ZIM2: variants seen among roughly 807,000 people sequenced by gnomAD.
ZIM2 encodes the protein zinc finger imprinted 2, also known as zinc finger protein 656.
Under a neutral mutation model 38.6 loss-of-function variants are expected in ZIM2, and 14 were observed. The observed-to-expected ratio is 0.36, with a 90% CI of 0.24 to 0.57. ZIM2 has a LOEUF of 0.57. Among genes scored for constraint, ZIM2 ranks in the 20% least tolerant of loss-of-function variants. The pLI is 0.81. For synonymous variants in ZIM2, 247 were observed against 245.8 expected (o/e 1.00, Z -0.04); for missense variants, 680 against 695.1 (o/e 0.98, Z 0.24).
At position 56,825,034 on chromosome 19, in the gene ZIM2, A is replaced by C. The variant is rs78105516; in HGVS notation, c.-150-607T>G. 1.0e-3 allele frequency: 190 copies of C among 185,646 alleles called. 1 individual carries two copies. In the East Asian group the frequency reaches 0.023, roughly 22 times the overall value. The allele number at this position is 185,646 out of a possible 1,614,324, so 11.5% of individuals were successfully genotyped here. A position where few individuals can be genotyped will look rare whatever the true frequency, so the allele number is the denominator to read the frequency against. On this transcript the variant is annotated intron_variant, in intron 3 of 12. Coordinates refer to ENST00000629319, the MANE Select transcript of ZIM2 (RefSeq NM_001387356.1). Reference sequence around the variant, plus strand: ...CTCTGTAATCTGAGAAATAAGAATAACAGCACCTCCATCCCTTTCAGAATT... The same window carrying C: ...CTCTGTAATCTGAGAAATAAGAATACCAGCACCTCCATCCCTTTCAGAATT...
chr19:56,804,085 T>C (rs558634466), intron 9 of ZIM2, among the ~76,000 whole-genome samples: 2 of 152,176 alleles, frequency 1.3e-5, no homozygotes, highest in Admixed American at 6.5e-5. Context: ...CCACCTACTA[T>C]GTTAATAACC....
chr19:56,815,233 C>T (rs773283378), intron 9 of ZIM2: 1 of 1,614,112 alleles, frequency 6.2e-7, no homozygotes, highest in Admixed American at 1.7e-5. Flanking sequence ...GGTCTCCTCC[C>T]CATCAGTATT....
At chr19:56,778,575 CA>C (rs550395597) in intron 12 of ZIM2, among the ~76,000 whole-genome samples, 1 of 151,882 alleles carries the variant, frequency 6.6e-6, no homozygotes, top group South Asian at 2.1e-4. Context: ...TGTACAGGAA[CA>C]AAAAAATGCA....
chr19:56,782,219 C>T (rs946590769), intron 10 of ZIM2, 98 bp from the exon 11 acceptor site: 32 of 1,474,342 alleles, frequency 2.2e-5, no homozygotes, highest in Middle Eastern at 1.9e-4. Context: ...TAATCCAGAG[C>T]CACAGGCACC....
At chr19:56,838,340 G>C (rs2062443080) in intron 1 of ZIM2, among the ~76,000 whole-genome samples, 1 of 152,212 alleles carries the variant, frequency 6.6e-6, no homozygotes, top group Non-Finnish European at 1.5e-5. Flanking sequence ...GATGGCGCCT[G>C]CGCAATCAAC....
intron 9 of ZIM2, among the ~76,000 whole-genome samples, chr19:56,804,727 A>C (rs1321626984): frequency 6.6e-6 from 1 of 152,216 alleles, no homozygotes; most frequent in Non-Finnish European, 1.5e-5. Flanking sequence ...TCAAGGGTGG[A>C]AATTTCCAAT....
chr19:56,824,495 T>A, intron 3 of ZIM2, 68 bp from the exon 4 acceptor site: 4 of 1,614,138 alleles, frequency 2.5e-6, no homozygotes, highest in Non-Finnish European at 3.4e-6. Flanking sequence ...AAATTCCACA[T>A]AGATTAGGTT....
chr19:56,814,466 T>C lies in ZIM2; in HGVS notation c.490+3280A>G, dbSNP rs761499751. 6.2e-7 allele frequency: 1 copy of C among 1,613,200 alleles called. No individual in the cohort carries two copies. On this transcript the variant is annotated intron_variant, in intron 9 of 12. Coordinates refer to ENST00000629319, the MANE Select transcript of ZIM2 (RefSeq NM_001387356.1). This position sits in a 1 kb window ranked among gnomAD's most constrained non-coding sequence, Gnocchi z 5.8. ...CATTCATAGAATGGTATAGCTCCTTTGAGGGGCTCAGTAAGAAATGAGGTG... is the reference window on the plus strand; with the variant it reads ...CATTCATAGAATGGTATAGCTCCTTCGAGGGGCTCAGTAAGAAATGAGGTG...
At chr19:56,816,238 T>G in intron 9 of ZIM2, 10 of 1,614,178 alleles carry the variant, frequency 6.2e-6, no homozygotes, top group Non-Finnish European at 8.5e-6. Context: ...TGTTATAGTA[T>G]GACTCTTCTG....
intron 10 of ZIM2, among the ~76,000 whole-genome samples, chr19:56,784,741 C>T (rs2046507334): frequency 6.6e-6 from 1 of 152,086 alleles, no homozygotes; most frequent in African/African-American, 2.4e-5. Context: ...CTCATTGTCT[C>T]ATCTTTAAAA....
Position 56,806,262 on chromosome 19 carries a change from G to A in ZIM2, c.490+11484C>T, listed in dbSNP as rs144006583. Among the ~76,000 whole-genome samples the A allele has an allele frequency of 6.3e-3, 954 of 152,290 alleles. 10 individuals are homozygous for A. Among genetic ancestry groups the A allele is most frequent in the African/African-American group, 0.022 (898 of 41,558 alleles). On this transcript the variant is annotated intron_variant, in intron 9 of 12. Transcript: ENST00000629319. ...TAATAGATGCTTAAATATGACAGAT[G>A]TTTATTTCTCATGTAAAAGCCTGGA...
At position 56,813,012 on chromosome 19, in the gene ZIM2, C is replaced by T. The variant is rs999550735; in HGVS notation, c.490+4734G>A. 15 of 985,628 alleles carry T rather than the reference C, an allele frequency of 1.5e-5. No individual in the cohort carries two copies. The Admixed American group carries it at 7.4e-4, about 48-fold the overall frequency. The allele number at this position is 985,628 out of a possible 1,614,324, so 61.1% of individuals were successfully genotyped here. The stretch of plus-strand genomic sequence containing the variant: ...TGCAGAAAGAAGCTAAAGTACTTAT[C>T]TTTTCAAACAGTAAGGAGTAAAAGC... On this transcript the variant is annotated intron_variant, in intron 9 of 12. Transcript: ENST00000629319.
intron 9 of ZIM2, among the ~76,000 whole-genome samples, chr19:56,799,877 A>G (rs2047424448): frequency 6.6e-6 from 1 of 152,252 alleles, no homozygotes; most frequent in African/African-American, 2.4e-5. Context: ...AACTGCCTAT[A>G]CATGCGATAA....
At position 56,774,914 on chromosome 19, in the gene ZIM2, C is replaced by A. The variant is rs186729168; in HGVS notation, c.1451G>T (p.Arg484Leu). 11 of 1,613,996 alleles carry A rather than the reference C, an allele frequency of 6.8e-6. No homozygotes were observed. Among genetic ancestry groups the A allele is most frequent in the Admixed American group, 1.7e-5 (1 of 59,996 alleles). ...GLSHSKTYLIRYQRKHDYVGE... is the reference protein window; with the variant it reads ...GLSHSKTYLILYQRKHDYVGE... ...AACGTAGTCATGTTTCCGCTGATAA[C>A]GAATTAAGTATGTCTTGCTGTGGGA... Residue 484 changes from arginine to leucine, a missense_variant, in exon 13 of 13, where the codon CGT (arginine) becomes CTT (leucine). By Grantham distance (102) the Arg-to-Leu change is moderately radical (BLOSUM62 -2). Transcript: ENST00000629319.
rs760685319 is a variant in ZIM2 at position 56,779,429 on chromosome 19, C to T, written c.783G>A (p.Glu261=). The change falls in exon 12 of 13, where the codon GAG becomes GAA. Residue 261 remains glutamate, a synonymous_variant. Coordinates refer to ENST00000629319, the MANE Select transcript of ZIM2 (RefSeq NM_001387356.1). ...SKPDIISRLE[E]EESYAMETDS... The stretch of plus-strand genomic sequence containing the variant: ...CTGTCTCCATTGCATATGATTCCTC[C>T]TCTTCCAGGCGTGAGATAATGTCAG... The T allele has an allele frequency of 1.9e-6, 3 of 1,614,006 alleles. No individual in the cohort carries two copies. The highest frequency in any genetic ancestry group is 8.5e-7 in the Non-Finnish European group (1 of 1,179,916).
intron 2 of ZIM2, among the ~76,000 whole-genome samples, chr19:56,832,190 G>A (rs752203706): frequency 3.9e-5 from 6 of 152,138 alleles, no homozygotes; most frequent in Admixed American, 1.3e-4. Context: ...ATATAAAAAT[G>A]TAAGTAAATG....
intron 9 of ZIM2, chr19:56,792,976 C>G (rs2047017670): frequency 6.5e-6 from 1 of 152,684 alleles, no homozygotes. Flanking sequence ...TAAACAGAAG[C>G]AGCCAGTTGC....
At chr19:56,836,704 C>T (rs914621588) in intron 1 of ZIM2, among the ~76,000 whole-genome samples, 3 of 152,186 alleles carry the variant, frequency 2.0e-5, no homozygotes, top group South Asian at 4.1e-4. Flanking sequence ...CGCAGTGACT[C>T]GCGCCTGTAA....
At chr19:56,789,626 G>C (rs2046817485) in intron 10 of ZIM2, among the ~76,000 whole-genome samples, 2 of 152,056 alleles carry the variant, frequency 1.3e-5, no homozygotes, top group Non-Finnish European at 2.9e-5. Context: ...ATGGTGATAA[G>C]TACAACAGAG....
Sources: allele counts gnomAD v4.1 joint callset (sites outside exome capture counted in the v4.1 genomes callset), GRCh38; gene constraint gnomAD v4.1.1; non-coding constraint Gnocchi (gnomAD v3.1); transcripts MANE v1.5; gene names NCBI Gene and HGNC (gene_info 2026-07-23, HGNC 2026-07-21).